Variants in THEMIS observed in about 807,000 individuals in gnomAD.
The protein encoded by THEMIS is thymocyte selection associated, also known as protein THEMIS.
Under a neutral mutation model 52.6 loss-of-function variants are expected in THEMIS, and 37 were observed. The ratio of observed to expected loss-of-function variants is 0.70; its 90% CI spans 0.54 to 0.93. The LOEUF (loss-of-function observed/expected upper bound fraction) is 0.93, where lower values mean the gene tolerates loss of function less well. Ranked by LOEUF, THEMIS falls within the 40% of genes least tolerant of loss-of-function variation. The pLI is 0.00. For missense variants in THEMIS, 808 were observed against 763.1 expected, an observed-to-expected ratio of 1.06 and a Z score of -0.69; for synonymous variants, 292 against 272.7, an observed-to-expected ratio of 1.07 and a Z score of -0.70.
At chr6:127,906,954 A>AAAC (rs1554249789) in intron 1 of THEMIS, among the ~76,000 whole-genome samples, 2 of 127,882 alleles carry the variant, frequency 1.6e-5, no homozygotes, top group East Asian at 3.8e-4. Flanking sequence ...GTTAAAAAAC[A>AAAC]AAAAAAAAAA....
In THEMIS at chr6:127,849,513, C is replaced by T. The variant is rs542587185; in HGVS notation, c.250+5517G>A. On this transcript the variant is annotated intron_variant, in intron 2 of 5. Coordinates refer to ENST00000368248, the MANE Select transcript of THEMIS (RefSeq NM_001010923.3). ...AAATTATACTACAAGGCTATAGTCA[C>T]CAAAACAACATAGTACTTGTATGAA... is the stretch of plus-strand genomic sequence containing the variant. 4.6e-5 allele frequency among the ~76,000 whole-genome samples: 7 copies of T among 151,896 alleles called. No individual in the cohort carries two copies. In the South Asian group the frequency reaches 1.5e-3, roughly 32 times the overall value.
At chr6:127,754,148 A>C (rs1255068751) in intron 4 of THEMIS, among the ~76,000 whole-genome samples, 1 of 152,170 alleles carries the variant, frequency 6.6e-6, no homozygotes, top group African/African-American at 2.4e-5. Flanking sequence ...AATGCTTTAC[A>C]AAACATACAT....
intron 4 of THEMIS, among the ~76,000 whole-genome samples, chr6:127,720,629 A>G (rs1355670649): frequency 6.6e-6 from 1 of 151,996 alleles, no homozygotes; most frequent in Non-Finnish European, 1.5e-5. Flanking sequence ...CAGGCTAGCC[A>G]TGTTGGCTCA....
At chr6:127,863,426 T>G (rs1156818953) in intron 1 of THEMIS, among the ~76,000 whole-genome samples, 2 of 152,156 alleles carry the variant, frequency 1.3e-5, no homozygotes, top group African/African-American at 2.4e-5. Context: ...TGTTAAAAAT[T>G]TCTTCATTTT....
At chr6:127,872,126 C>T (rs1278170090) in intron 1 of THEMIS, among the ~76,000 whole-genome samples, 1 of 151,960 alleles carries the variant, frequency 6.6e-6, no homozygotes, top group African/African-American at 2.4e-5. Context: ...TGGTTAATGC[C>T]AGGAATACAA....
chr6:127,908,804 T>A lies in THEMIS; in HGVS notation c.-149-7723A>T, dbSNP rs1352878204. On this transcript the variant is annotated intron_variant, in intron 1 of 6. Transcript: ENST00000368250. ...CCCACTTTAACAGCTCTTTTCTCTT[T>A]TCTCTTTTTTTTTCACATTTGTTAT... 2.6e-5 allele frequency among the ~76,000 whole-genome samples: 4 copies of A among 151,762 alleles called. No homozygotes were observed. The East Asian group carries it at 5.8e-4, about 22-fold the overall frequency.
chr6:127,901,059 A>T, upstream of THEMIS: 1 of 756,686 alleles, frequency 1.3e-6, no homozygotes, highest in African/African-American at 1.7e-5. Flanking sequence ...GTCACACTAC[A>T]GCCAGAGTGG....
intron 4 of THEMIS, among the ~76,000 whole-genome samples, chr6:127,778,219 A>G (rs1390523406): frequency 1.3e-5 from 2 of 152,170 alleles, no homozygotes; most frequent in Non-Finnish European, 2.9e-5. Flanking sequence ...TCTAACAAAC[A>G]GAAGCAAATA....
intron 4 of THEMIS, among the ~76,000 whole-genome samples, chr6:127,782,592 C>G (rs1379719695): frequency 6.6e-6 from 1 of 152,196 alleles, no homozygotes; most frequent in East Asian, 1.9e-4. Context: ...GAGGCAATGC[C>G]CCGCCCTGCT....
intron 1 of THEMIS, among the ~76,000 whole-genome samples, chr6:127,910,542 T>C (rs1375403936): frequency 6.6e-6 from 1 of 152,176 alleles, no homozygotes; most frequent in Non-Finnish European, 1.5e-5. Flanking sequence ...AGAATCTGTT[T>C]CTACTATCAC....
rs374118281 is a variant in THEMIS at position 127,787,838 on chromosome 6, G to GAT, written c.1758+25044_1758+25045insAT. ...AGATAGATAGATAGATAGATAGATA[G>GAT]AGATAGACAGATATAGATAGATAGA... On this transcript the variant is annotated intron_variant, in intron 4 of 5. Transcript: ENST00000368248. Among the ~76,000 whole-genome samples the GAT allele has an allele frequency of 2.3e-3, 292 of 126,086 alleles. 1 individual carries two copies. The highest frequency in any genetic ancestry group is 7.5e-3 in the East Asian group (33 of 4,378). The allele number at this position is 126,086 out of a possible 152,430, so 82.7% of individuals were successfully genotyped here. A position where few individuals can be genotyped will look rare whatever the true frequency, so the allele number is the denominator to read the frequency against.
At chr6:127,879,148 C>T (rs1366108952) in intron 1 of THEMIS, among the ~76,000 whole-genome samples, 1 of 152,134 alleles carries the variant, frequency 6.6e-6, no homozygotes, top group Non-Finnish European at 1.5e-5. Flanking sequence ...AAAATGTTCT[C>T]TGAGGTATAT....
intron 3 of THEMIS, among the ~76,000 whole-genome samples, chr6:127,826,883 T>C (rs1164256986): frequency 6.6e-6 from 1 of 152,158 alleles, no homozygotes; most frequent in Non-Finnish European, 1.5e-5. Context: ...GGTTCAGACC[T>C]ATGACAGAGA....
intron 3 of THEMIS, among the ~76,000 whole-genome samples, chr6:127,815,674 A>G (rs1294555201): frequency 6.6e-6 from 1 of 152,212 alleles, no homozygotes; most frequent in African/African-American, 2.4e-5. Context: ...TTAACATTAT[A>G]CCTACTGGCT....
intron 4 of THEMIS, among the ~76,000 whole-genome samples, chr6:127,726,796 C>A (rs1422680985): frequency 6.6e-6 from 1 of 152,102 alleles, no homozygotes; most frequent in Non-Finnish European, 1.5e-5. Context: ...GGTGGAGAAC[C>A]TCTTCACATA....
chr6:127,891,813 C>T (rs950980253), intron 1 of THEMIS, among the ~76,000 whole-genome samples: 1 of 152,104 alleles, frequency 6.6e-6, no homozygotes, highest in Non-Finnish European at 1.5e-5. Flanking sequence ...ACCCAAACTC[C>T]TTGAAATGCT....
intron 4 of THEMIS, among the ~76,000 whole-genome samples, chr6:127,743,595 G>A (rs2114290367): frequency 6.6e-6 from 1 of 152,204 alleles, no homozygotes; most frequent in South Asian, 2.1e-4. Context: ...TGGTTTTTTA[G>A]TTGCTATGGT....
intron 3 of THEMIS, among the ~76,000 whole-genome samples, chr6:127,827,961 C>T (rs945921568): frequency 6.6e-6 from 1 of 152,132 alleles, no homozygotes; most frequent in African/African-American, 2.4e-5. Context: ...CTGCCCTCTC[C>T]GTTTTTTTCT....
intron 1 of THEMIS, among the ~76,000 whole-genome samples, chr6:127,890,652 C>A (rs115706111): frequency 1.9e-3 from 292 of 152,188 alleles, no homozygotes; most frequent in African/African-American, 6.5e-3. Context: ...ATTACTCTAA[C>A]TTGATCACGC....
Sources: allele counts gnomAD v4.1 joint callset (sites outside exome capture counted in the v4.1 genomes callset), GRCh38; gene constraint gnomAD v4.1.1; transcripts MANE v1.5; gene names NCBI Gene and HGNC (gene_info 2026-07-23, HGNC 2026-07-21).